WNT2B: variants seen among roughly 807,000 people sequenced by gnomAD.
WNT2B encodes Wnt family member 2B.
In WNT2B, 19 loss-of-function variants were observed where a neutral mutation model predicts 40.5. That is an observed-to-expected ratio of 0.47 (90% confidence interval 0.33 to 0.69). The LOEUF (loss-of-function observed/expected upper bound fraction) is 0.69, where lower values mean the gene tolerates loss of function less well. Among genes scored for constraint, WNT2B ranks in the 30% least tolerant of loss-of-function variants. The pLI, the probability that WNT2B is intolerant of heterozygous loss-of-function variation, is 0.02. For missense variants in WNT2B, 467 were observed against 556.4 expected (o/e 0.84, Z 1.62); for synonymous variants, 220 against 211.9 (o/e 1.04, Z -0.33).
intron 1 of WNT2B, among the ~76,000 whole-genome samples, chr1:112,495,729 A>G (rs1651742872): frequency 6.6e-6 from 1 of 152,274 alleles, no homozygotes; most frequent in South Asian, 2.1e-4. Flanking sequence ...GAAATCAAAT[A>G]TAAACAAAAA....
At chr1:112,508,617 A>T (rs1652204669), upstream of WNT2B, 1 of 682,750 alleles carries the variant, frequency 1.5e-6, no homozygotes, top group Non-Finnish European at 1.8e-6. The surrounding 1 kb of genome is among the most constrained non-coding windows in gnomAD (Gnocchi z 4.2). Flanking sequence ...TGGGGACAGG[A>T]GGGAAGTGCC....
chr1:112,474,064 C>CA (rs57010677), intron 1 of WNT2B, among the ~76,000 whole-genome samples: 90 of 118,058 alleles, frequency 7.6e-4, no homozygotes, highest in African/African-American at 2.3e-3. Flanking sequence ...GACTCTGTCT[C>CA]AAAAAAAAAA....
intron 1 of WNT2B, among the ~76,000 whole-genome samples, chr1:112,481,276 C>T (rs533675996): frequency 1.3e-5 from 2 of 152,122 alleles, no homozygotes; most frequent in African/African-American, 4.8e-5. Context: ...GTATGAAAAT[C>T]AATCAATGTG....
In WNT2B at chr1:112,495,588, CAAAAAAA is replaced by C. The variant is rs1172484242; in HGVS notation, c.-94-19275_-94-19269del. On this transcript the variant is annotated intron_variant, in intron 1 of 4. Transcript: ENST00000256640. ...TGGGTGACAGAGCGAGACTCTGTCT[CAAAAAAA>C]AAAAAAAAAATCCAGCTATATCAAT... 3.7e-3 allele frequency among the ~76,000 whole-genome samples: 353 copies of C among 94,544 alleles called. 1 individual carries two copies. Among genetic ancestry groups the C allele is most frequent in the African/African-American group, 0.012 (332 of 28,546 alleles). 62.0% of individuals were successfully genotyped at this position (94,544 alleles called of 152,430 possible).
intron 1 of WNT2B, among the ~76,000 whole-genome samples, chr1:112,494,449 A>G (rs1651706364): frequency 6.6e-6 from 1 of 151,276 alleles, no homozygotes; most frequent in Non-Finnish European, 1.5e-5. Context: ...GCTCACTGCA[A>G]CCATGACCTC....
upstream of WNT2B, chr1:112,508,759 G>A (rs1570788183): frequency 1.6e-5 from 16 of 986,650 alleles, no homozygotes; most frequent in Non-Finnish European, 1.7e-5. This position sits in a 1 kb window ranked among gnomAD's most constrained non-coding sequence, Gnocchi z 4.2. Flanking sequence ...GAGCCGCGGC[G>A]TCCCGTCGCA....
chr1:112,505,265 ACTATGTCTGCAG>A (rs1161061399), upstream of WNT2B, among the ~76,000 whole-genome samples: 6 of 152,332 alleles, frequency 3.9e-5, no homozygotes, highest in African/African-American at 1.4e-4. Flanking sequence ...GATACTGTTC[ACTATGTCTGCAG>A]CATGCACCCT....
intron 1 of WNT2B, among the ~76,000 whole-genome samples, chr1:112,512,007 C>T (rs992764864): frequency 3.9e-5 from 6 of 151,908 alleles, no homozygotes; most frequent in African/African-American, 1.5e-4. Context: ...ATAGTGTTAT[C>T]TCTGTGTTCA....
At chr1:112,507,380 A>T (rs1236772786), upstream of WNT2B, among the ~76,000 whole-genome samples, 2 of 152,154 alleles carry the variant, frequency 1.3e-5, no homozygotes, top group Non-Finnish European at 2.9e-5. Context: ...GTAGGAAATA[A>T]GTATTTGTTG....
At chr1:112,481,032 G>A (rs1369239268) in intron 1 of WNT2B, among the ~76,000 whole-genome samples, 4 of 152,120 alleles carry the variant, frequency 2.6e-5, no homozygotes, top group Non-Finnish European at 4.4e-5. Flanking sequence ...AGCTGGGCAT[G>A]TTGGCAGGTG....
rs752056289 is a variant in WNT2B at position 112,516,247 on chromosome 1, T to G, written c.511T>G (p.Tyr171Asp). 1.2e-6 allele frequency: 2 copies of G among 1,613,992 alleles called. No homozygotes were observed. Among genetic ancestry groups the G allele is most frequent in the East Asian group, 4.5e-5 (2 of 44,860 alleles). Residue 171 changes from tyrosine (Y) to aspartate (D), a missense_variant, in exon 3 of 5, where the codon TAC (tyrosine) becomes GAC (aspartate). Physicochemically the swap from Tyr to Asp is radical, Grantham distance 160. Around this residue, in one of 2 missense-constraint regions of WNT2B, gnomAD observed 330 missense variants for 438.6 expected, o/e 0.75. Transcript: ENST00000369684. ...ACTGAGTGTGTGCAGCTGTGACCCC[T>G]ACACCCGTGGCCGACACCATGACCA... ...GELSVCSCDP[Y>D]TRGRHHDQRG...
At position 112,520,339 on chromosome 1, in the gene WNT2B, GA is replaced by G; in HGVS notation, c.1009del (p.Ile337SerfsTer97). The G allele has an allele frequency of 6.2e-7, 1 of 1,614,192 alleles. No homozygotes were observed. Among genetic ancestry groups the G allele is most frequent in the Non-Finnish European group, 8.5e-7 (1 of 1,180,042 alleles). The part of the protein sequence containing the change: ...SKTSKGTDGC[E>X]IMCCGRGYDT... ...GACATCAAAAGGAACAGACGGTTGT[GA>G]AATCATGTGCTGTGGCCGAGGGTAC... On this transcript the variant is annotated frameshift_variant, in exon 5 of 5. Transcript: ENST00000369684. LOFTEE classifies it high-confidence loss of function.
intron 1 of WNT2B, among the ~76,000 whole-genome samples, chr1:112,500,575 G>A (rs952304046): frequency 3.9e-5 from 6 of 152,056 alleles, no homozygotes; most frequent in Non-Finnish European, 8.8e-5. Context: ...TTCAAGACCA[G>A]CCTGGGCAAC....
rs543868641 is a variant in WNT2B at position 112,520,564 on chromosome 1, A to G, written c.*55A>G. ...TTCAAGCCTCTCAACTCAAAAGCAC[A>G]AGATCCTTGCATGCACACCTTCCTC... is the stretch of plus-strand genomic sequence containing the variant. On this transcript the variant is annotated 3_prime_UTR_variant, in exon 5 of 5. Transcript: ENST00000369684. The G allele has an allele frequency of 1.9e-4, 294 of 1,571,610 alleles. No homozygotes were observed. The highest frequency in any genetic ancestry group is 2.5e-4 in the Non-Finnish European group (285 of 1,150,514).
chr1:112,519,729 C>G (rs1652752362), intron 4 of WNT2B, among the ~76,000 whole-genome samples: 1 of 152,128 alleles, frequency 6.6e-6, no homozygotes, highest in South Asian at 2.1e-4. Context: ...TTCAGATGAA[C>G]AGAGATTATA....
chr1:112,522,497 G>A lies in WNT2B; in HGVS notation c.*1988G>A, dbSNP rs901015865. The A allele has an allele frequency of 6.6e-6, 1 of 152,188 alleles. No homozygotes were observed. The highest frequency in any genetic ancestry group is 1.5e-5 in the Non-Finnish European group (1 of 68,038). The allele number at this position is 152,188 out of a possible 1,614,324, so 9.4% of individuals were successfully genotyped here. A position where few individuals can be genotyped will look rare whatever the true frequency, so the allele number is the denominator to read the frequency against. ...TTAAGGAGCCTGCATAAAGAATTCT[G>A]GATACAGGCCCCTGTCTTTCCAAAG... is the stretch of plus-strand genomic sequence containing the variant. On this transcript the variant is annotated 3_prime_UTR_variant, in exon 5 of 5. Coordinates refer to ENST00000369684, the MANE Select transcript of WNT2B (RefSeq NM_024494.3).
chr1:112,495,709 T>C (rs576705207), intron 1 of WNT2B, among the ~76,000 whole-genome samples: 1 of 152,328 alleles, frequency 6.6e-6, no homozygotes, highest in South Asian at 2.1e-4. Context: ...ACAATATCTG[T>C]TGTCTATAAG....
intron 1 of WNT2B, among the ~76,000 whole-genome samples, chr1:112,472,871 G>T (rs1451849864): frequency 1.3e-5 from 2 of 151,626 alleles, no homozygotes; most frequent in African/African-American, 2.4e-5. Context: ...GCTGAGGTGG[G>T]AGGATCACTT....
In WNT2B at chr1:112,524,624, G is replaced by C. The variant is rs1008880698; in HGVS notation, c.*4115G>C. On this transcript the variant is annotated 3_prime_UTR_variant, in exon 5 of 5. Transcript: ENST00000369684. The stretch of plus-strand genomic sequence containing the variant: ...TGGCCTTGGTGGAGGCCTCTGCCCC[G>C]ACCCTCCACTTGGGAACTGCCTGCT... 1 of 152,528 alleles carries C rather than the reference G, an allele frequency of 6.6e-6. No homozygotes were observed. Among genetic ancestry groups the C allele is most frequent in the Non-Finnish European group, 1.5e-5 (1 of 68,042 alleles). The allele number at this position is 152,528 out of a possible 1,614,324, so 9.4% of individuals were successfully genotyped here.
Sources: allele counts gnomAD v4.1 joint callset (sites outside exome capture counted in the v4.1 genomes callset), GRCh38; gene constraint gnomAD v4.1.1; regional missense constraint gnomAD v4.1.1; non-coding constraint Gnocchi (gnomAD v3.1); transcripts MANE v1.5; gene names NCBI Gene and HGNC (gene_info 2026-07-23, HGNC 2026-07-21).